The following NIBAN1 variants were observed in gnomAD, a reference collection of about 807,000 sequenced individuals.
The protein encoded by NIBAN1 is protein Niban 1.
A neutral mutation model predicts 75.1 loss-of-function variants in NIBAN1; 81 were observed. The ratio of observed to expected loss-of-function variants is 1.08; its 90% confidence interval spans 0.90 to 1.30. The LOEUF (loss-of-function observed/expected upper bound fraction) is 1.30. Ranked by LOEUF, NIBAN1 falls within the 50% of genes most tolerant of loss-of-function variation. The pLI, the probability that NIBAN1 is intolerant of heterozygous loss-of-function variation, is 0.00. For missense variants in NIBAN1, 1,133 were observed against 1,128.1 expected (o/e 1.00, Z -0.06); for synonymous variants, 436 against 424.8 (o/e 1.03, Z -0.32).
chr1:184,931,840 A>G (rs753676061), intron 1 of NIBAN1, among the ~76,000 whole-genome samples: 1 of 152,250 alleles, frequency 6.6e-6, no homozygotes, highest in Non-Finnish European at 1.5e-5. Context: ...ATCATTAAAC[A>G]TCATTGACAG....
intron 1 of NIBAN1, among the ~76,000 whole-genome samples, chr1:184,957,375 A>G (rs943936799): frequency 6.6e-6 from 1 of 152,236 alleles, no homozygotes; most frequent in South Asian, 2.1e-4. Flanking sequence ...CACAGGCAGT[A>G]ATTTGTAAAT....
rs764997322 is a variant in NIBAN1 at position 184,808,058 on chromosome 1, C to A, written c.1335+16G>T. The A allele has an allele frequency of 3.5e-5, 57 of 1,613,070 alleles. No homozygotes were observed. Among genetic ancestry groups the A allele is most frequent in the Non-Finnish European group, 4.4e-5 (52 of 1,179,418 alleles). On this transcript the variant is annotated intron_variant, in intron 10 of 13. Transcript: ENST00000367511. ...TCTTTACCCTCATCCACCACGGATG[C>A]CCCTGCCACACCCACCTCCTGCATG...
rs143891564 is a variant in NIBAN1, at chr1:184,804,862, C to A, written c.1446+1084G>T. Among the ~76,000 whole-genome samples, 938 of 152,012 alleles carry A rather than the reference C, an allele frequency of 6.2e-3. 5 individuals carry two copies. The highest frequency in any genetic ancestry group is 0.017 in the Middle Eastern group (5 of 294). On this transcript the variant is annotated intron_variant, in intron 11 of 13. Transcript: ENST00000367511. ...GGAGTATAGTGGCACAATCTCCGCT[C>A]ACTGCAAGCTCCACCTCCCAGGTTC...
chr1:184,872,245 T>G (rs1656127956), intron 5 of NIBAN1, among the ~76,000 whole-genome samples: 2 of 150,722 alleles, frequency 1.3e-5, no homozygotes, highest in East Asian at 3.9e-4. Flanking sequence ...AGAACGAAAA[T>G]AATTAATAGA....
chr1:184,792,894 G>C lies in NIBAN1; in HGVS notation c.*2083C>G, dbSNP rs746540062. ...TCTTTTAAGAGAGGAGCCACTTGGAGAGACAAGAAGTAAACCTAATTTCAA... is the reference window on the plus strand; with the variant it reads ...TCTTTTAAGAGAGGAGCCACTTGGACAGACAAGAAGTAAACCTAATTTCAA... On this transcript the variant is annotated 3_prime_UTR_variant, in exon 14 of 14. Transcript: ENST00000367511. The C allele has an allele frequency of 2.0e-5, 3 of 152,236 alleles. No individual in the cohort carries two copies. The highest frequency in any genetic ancestry group is 4.4e-5 in the Non-Finnish European group (3 of 68,050). 9.4% of individuals were successfully genotyped at this position (152,236 alleles called of 1,614,324 possible).
intron 1 of NIBAN1, among the ~76,000 whole-genome samples, chr1:184,907,522 A>G (rs938104586): frequency 2.0e-5 from 3 of 152,224 alleles, no homozygotes; most frequent in African/African-American, 7.2e-5. Context: ...AGTTTCTCAA[A>G]TTATAACAGT....
intron 1 of NIBAN1, among the ~76,000 whole-genome samples, chr1:184,944,032 C>T (rs1235855056): frequency 2.0e-5 from 3 of 152,176 alleles, no homozygotes; most frequent in African/African-American, 7.2e-5. Flanking sequence ...AACAGCTATA[C>T]AATTACCTCT....
chr1:184,955,486 G>T (rs557265996), intron 1 of NIBAN1, among the ~76,000 whole-genome samples: 1 of 151,742 alleles, frequency 6.6e-6, no homozygotes, highest in Non-Finnish European at 1.5e-5. Context: ...CTACAGGTGC[G>T]CACCACCACG....
At chr1:184,831,113 G>T (rs534192212) in intron 6 of NIBAN1, among the ~76,000 whole-genome samples, 1 of 152,160 alleles carries the variant, frequency 6.6e-6, no homozygotes, top group African/African-American at 2.4e-5. Context: ...ATGGAGGCTG[G>T]GGTCACATCA....
chr1:184,802,243 C>T (rs1311066769), intron 12 of NIBAN1, among the ~76,000 whole-genome samples: 4 of 152,114 alleles, frequency 2.6e-5, no homozygotes, highest in Non-Finnish European at 1.5e-5. Flanking sequence ...ATCAATGCCT[C>T]CTGATTAAAA....
intron 12 of NIBAN1, 100 bp from the exon 13 acceptor site, chr1:184,798,290 T>C: frequency 1.4e-6 from 1 of 690,138 alleles, no homozygotes; most frequent in Non-Finnish European, 2.4e-6. Context: ...ATTCTCTTCT[T>C]GGAGGGCATA....
Position 184,808,212 on chromosome 1 carries a change from A to C in NIBAN1, c.1197T>G (p.Leu399=). 6.2e-7 allele frequency: 1 copy of C among 1,614,170 alleles called. No individual in the cohort carries two copies. Among genetic ancestry groups the C allele is most frequent in the Non-Finnish European group, 8.5e-7 (1 of 1,179,998 alleles). The change falls in exon 10 of 14, where the codon CTT becomes CTG. Residue 399 remains leucine (L), a synonymous_variant. Coordinates refer to ENST00000367511, the MANE Select transcript of NIBAN1 (RefSeq NM_052966.4). ...LKEHLDRLMN[L]PLHSVKMEPC... ...GTTCCATCTTCACGGAATGCAGCGG[A>C]AGATTCATAAGCCGGTCTAGATGCT...
intron 1 of NIBAN1, among the ~76,000 whole-genome samples, chr1:184,923,216 T>C (rs918916719): frequency 4.6e-5 from 7 of 152,242 alleles, no homozygotes; most frequent in African/African-American, 1.7e-4. Context: ...TTTAAGTCTT[T>C]AATCTATTTT....
At chr1:184,901,347 T>C (rs1433918456) in intron 1 of NIBAN1, among the ~76,000 whole-genome samples, 1 of 152,230 alleles carries the variant, frequency 6.6e-6, no homozygotes, top group Non-Finnish European at 1.5e-5. Context: ...GCTTGCTCTG[T>C]GCATTTATGG....
At chr1:184,928,068 A>G in intron 1 of NIBAN1, among the ~76,000 whole-genome samples, 1 of 152,070 alleles carries the variant, frequency 6.6e-6, no homozygotes, top group Non-Finnish European at 1.5e-5. Context: ...GCAGGTGATG[A>G]ATCCAGCCAG....
chr1:184,907,866 C>T (rs1375645916), intron 1 of NIBAN1, among the ~76,000 whole-genome samples: 1 of 152,080 alleles, frequency 6.6e-6, no homozygotes, highest in Non-Finnish European at 1.5e-5. Context: ...TGCAGCCTAC[C>T]CTGTAGAAAT....
chr1:184,817,537 G>T (rs654913), intron 9 of NIBAN1, among the ~76,000 whole-genome samples: 6,045 of 152,206 alleles, frequency 0.04, 231 homozygotes, highest in East Asian at 0.11. Flanking sequence ...AGCATCTGTT[G>T]TTTCTTGACT....
chr1:184,804,783 T>G (rs574448577), intron 11 of NIBAN1, among the ~76,000 whole-genome samples: 1 of 151,888 alleles, frequency 6.6e-6, no homozygotes, highest in Non-Finnish European at 1.5e-5. Flanking sequence ...TTTTTTTTTT[T>G]GTTTTTTTGT....
intron 1 of NIBAN1, among the ~76,000 whole-genome samples, chr1:184,951,662 C>G (rs1343732865): frequency 6.6e-6 from 1 of 152,188 alleles, no homozygotes; most frequent in East Asian, 1.9e-4. Context: ...GATCACAGCT[C>G]CAGCTTCTTC....
Sources: allele counts gnomAD v4.1 joint callset (sites outside exome capture counted in the v4.1 genomes callset), GRCh38; gene constraint gnomAD v4.1.1; transcripts MANE v1.5; gene names NCBI Gene and HGNC (gene_info 2026-07-23, HGNC 2026-07-21).